QKI: variants seen among roughly 807,000 people sequenced by gnomAD.
The protein encoded by QKI is KH domain-containing RNA-binding protein QKI.
Under a neutral mutation model 39.0 loss-of-function variants are expected in QKI, and 10 were observed. The ratio of observed to expected loss-of-function variants is 0.26; its 90% CI spans 0.16 to 0.43. The LOEUF is 0.43. QKI is among the 20% of genes least tolerant of loss of function. The pLI, the probability that QKI is intolerant of heterozygous loss-of-function variation, is 1.00. For synonymous variants in QKI, 204 were observed against 155.4 expected, an observed-to-expected ratio of 1.31 and a Z score of -2.33; for missense variants, 218 against 428.0, an observed-to-expected ratio of 0.51 and a Z score of 4.33.
At chr6:163,521,743 ACTC>A (rs757397153) in intron 3 of QKI, among the ~76,000 whole-genome samples, 4 of 151,236 alleles carry the variant, frequency 2.6e-5, no homozygotes, top group Non-Finnish European at 5.9e-5. Context: ...CTGGTCTTGA[ACTC>A]CTGACCTCAA....
intron 3 of QKI, among the ~76,000 whole-genome samples, chr6:163,481,555 G>C (rs1012295005): frequency 6.6e-6 from 1 of 152,194 alleles, no homozygotes; most frequent in African/African-American, 2.4e-5. Context: ...GAAAAGGTTG[G>C]TTAAATAAAG....
At chr6:163,527,205 A>T (rs143713981) in intron 3 of QKI, among the ~76,000 whole-genome samples, 23 of 152,254 alleles carry the variant, frequency 1.5e-4, no homozygotes, top group African/African-American at 4.8e-4. Flanking sequence ...CAAGTTTTTA[A>T]AAGTTTTTTG....
At chr6:163,481,581 A>T (rs534594143) in intron 3 of QKI, among the ~76,000 whole-genome samples, 1 of 152,208 alleles carries the variant, frequency 6.6e-6, no homozygotes, top group Non-Finnish European at 1.5e-5. Context: ...TGTAAATGCT[A>T]TGTACTTCTA....
At chr6:163,492,366 T>A (rs1403524693) in intron 3 of QKI, among the ~76,000 whole-genome samples, 1 of 152,210 alleles carries the variant, frequency 6.6e-6, no homozygotes, top group Non-Finnish European at 1.5e-5. Flanking sequence ...CGATTTTAAA[T>A]ACCTATAATT....
chr6:163,512,063 G>A (rs926282522), intron 3 of QKI, among the ~76,000 whole-genome samples: 2 of 152,136 alleles, frequency 1.3e-5, no homozygotes, highest in African/African-American at 4.8e-5. Context: ...AATCAGTGCA[G>A]TTAATCATAA....
chr6:163,475,395 T>A (rs576502981), intron 2 of QKI, among the ~76,000 whole-genome samples: 4 of 152,344 alleles, frequency 2.6e-5, no homozygotes, highest in African/African-American at 9.6e-5. Flanking sequence ...ACACAGTATT[T>A]ACATTGTATT....
chr6:163,546,308 T>A (rs1781871186), intron 4 of QKI, among the ~76,000 whole-genome samples: 1 of 151,970 alleles, frequency 6.6e-6, no homozygotes, highest in South Asian at 2.1e-4. Flanking sequence ...AGCATCATGT[T>A]CCTTATATAT....
intron 4 of QKI, among the ~76,000 whole-genome samples, chr6:163,546,662 T>G (rs1478898609): frequency 6.6e-6 from 1 of 152,106 alleles, no homozygotes; most frequent in African/African-American, 2.4e-5. Flanking sequence ...ATTAAGATAG[T>G]AACCATTGTG....
Position 163,438,289 on chromosome 6 carries a change from A to T in QKI, c.143-16990A>T, listed in dbSNP as rs750130378. On this transcript the variant is annotated intron_variant, in intron 1 of 7. Transcript: ENST00000361752. ...TATCAGAACACAGTATTTCCAGAATATAATTTTACATCACAGTCATCATTT... is the reference window on the plus strand; with the variant it reads ...TATCAGAACACAGTATTTCCAGAATTTAATTTTACATCACAGTCATCATTT... Among the ~76,000 whole-genome samples, 50 of 152,204 alleles carry T rather than the reference A, an allele frequency of 3.3e-4. 1 individual carries two copies. Among genetic ancestry groups the T allele is most frequent in the Non-Finnish European group, 5.7e-4 (39 of 68,026 alleles).
chr6:163,479,072 G>A (rs1344624259), intron 3 of QKI, among the ~76,000 whole-genome samples, 176 bp downstream of exon 3: 1 of 152,066 alleles, frequency 6.6e-6, no homozygotes, highest in Non-Finnish European at 1.5e-5. Flanking sequence ...GATCGTCTGA[G>A]GTCAGGAGTT....
At chr6:163,483,527 C>G (rs1040251338) in intron 3 of QKI, among the ~76,000 whole-genome samples, 9 of 152,124 alleles carry the variant, frequency 5.9e-5, no homozygotes, top group African/African-American at 1.7e-4. Flanking sequence ...TTCACTGTAT[C>G]TTCACTACAA....
At chr6:163,454,280 G>A (rs1790774547) in intron 1 of QKI, among the ~76,000 whole-genome samples, 1 of 151,952 alleles carries the variant, frequency 6.6e-6, no homozygotes, top group Non-Finnish European at 1.5e-5. Flanking sequence ...ATGGGACTCG[G>A]CTCATTAAAA....
In QKI at chr6:163,415,131, C is replaced by T. The variant is rs1582937089; in HGVS notation, c.-63C>T. 3.9e-6 allele frequency: 5 copies of T among 1,296,230 alleles called. No homozygotes were observed. The highest frequency in any genetic ancestry group is 5.0e-6 in the Non-Finnish European group (5 of 996,872). 80.3% of individuals were successfully genotyped at this position (1,296,230 alleles called of 1,614,324 possible). A position where few individuals can be genotyped will look rare whatever the true frequency, so the allele number is the denominator to read the frequency against. On this transcript the variant is annotated 5_prime_UTR_variant, in exon 1 of 8. Transcript: ENST00000361752. ...CCCGCGGCCGGGGCTCGCCCCCGCC[C>T]CTCCCTCCTCTCCGGCGGCGGCGGC...
chr6:163,419,321 G>A (rs1195715750), intron 1 of QKI, among the ~76,000 whole-genome samples: 1 of 150,732 alleles, frequency 6.6e-6, no homozygotes, highest in Non-Finnish European at 1.5e-5. Flanking sequence ...TTTTTCCTGA[G>A]AATTCATTTA....
chr6:163,456,340 T>C (rs1790909985), intron 2 of QKI, among the ~76,000 whole-genome samples: 1 of 152,152 alleles, frequency 6.6e-6, no homozygotes, highest in Non-Finnish European at 1.5e-5. Context: ...AAGGTGTACA[T>C]AAAATAAGAA....
At chr6:163,555,440 G>A (rs935101028) in intron 4 of QKI, among the ~76,000 whole-genome samples, 2 of 140,070 alleles carry the variant, frequency 1.4e-5, no homozygotes, top group African/African-American at 5.2e-5. Context: ...GAACCAGGGA[G>A]TTGGAGGTTG....
intron 1 of QKI, among the ~76,000 whole-genome samples, chr6:163,437,510 C>G (rs1789406807): frequency 6.6e-6 from 1 of 152,068 alleles, no homozygotes; most frequent in Non-Finnish European, 1.5e-5. Context: ...CGAAATGTAG[C>G]CATAATTTAG....
At chr6:163,488,357 A>G (rs1057164894) in intron 3 of QKI, among the ~76,000 whole-genome samples, 81 of 152,288 alleles carry the variant, frequency 5.3e-4, no homozygotes, top group Non-Finnish European at 6.2e-4. Context: ...GAGAGAAAGA[A>G]ATAGTGCAGA....
chr6:163,422,051 C>T (rs1251143395), intron 1 of QKI, among the ~76,000 whole-genome samples: 2 of 152,158 alleles, frequency 1.3e-5, no homozygotes, highest in Non-Finnish European at 2.9e-5. Context: ...GGATTACAGG[C>T]GTGAGCCACC....
Sources: allele counts gnomAD v4.1 joint callset (sites outside exome capture counted in the v4.1 genomes callset), GRCh38; gene constraint gnomAD v4.1.1; transcripts MANE v1.5; gene names NCBI Gene and HGNC (gene_info 2026-07-23, HGNC 2026-07-21).